Variants in CPA6 observed in about 807,000 individuals in gnomAD.
CPA6 encodes carboxypeptidase B.
A neutral mutation model predicts 63.3 loss-of-function variants in CPA6; 58 were observed. The observed-to-expected ratio is 0.92, with a 90% confidence interval of 0.74 to 1.14. The LOEUF is 1.14. CPA6 is among the 50% of genes most tolerant of loss of function. CPA6 has a pLI of 0.00. For missense variants in CPA6, 565 were observed against 526.6 expected (o/e 1.07, Z -0.71); for synonymous variants, 185 against 179.0 (o/e 1.03, Z -0.27).
At chr8:67,655,862 A>G (rs1188754018) in intron 1 of CPA6, among the ~76,000 whole-genome samples, 3 of 152,210 alleles carry the variant, frequency 2.0e-5, no homozygotes, top group African/African-American at 4.8e-5. Context: ...CAGTATCTGA[A>G]AAAGGATTTT....
At chr8:67,504,673 A>G (rs1811892935) in intron 6 of CPA6, among the ~76,000 whole-genome samples, 1 of 152,170 alleles carries the variant, frequency 6.6e-6, no homozygotes, top group East Asian at 1.9e-4. Flanking sequence ...CCTCATGCCC[A>G]GGGCTCCAGC....
At chr8:67,516,931 G>A (rs936884900) in intron 3 of CPA6, among the ~76,000 whole-genome samples, 1 of 152,036 alleles carries the variant, frequency 6.6e-6, no homozygotes, top group Non-Finnish European at 1.5e-5. Context: ...CGAGTAGCTA[G>A]GATTACAGGC....
chr8:67,561,952 A>G (rs1243135438), intron 2 of CPA6, among the ~76,000 whole-genome samples: 1 of 152,242 alleles, frequency 6.6e-6, no homozygotes, highest in Non-Finnish European at 1.5e-5. Flanking sequence ...CTGAGCAGCT[A>G]GGACACTATT....
intron 2 of CPA6, chr8:67,569,725 C>G (rs1813436338): frequency 5.3e-6 from 1 of 187,592 alleles, no homozygotes; most frequent in African/African-American, 2.4e-5. Flanking sequence ...TAAGAATACT[C>G]TGTCATCACA....
chr8:67,678,226 C>G (rs1409630427), intron 1 of CPA6, among the ~76,000 whole-genome samples: 1 of 140,970 alleles, frequency 7.1e-6, no homozygotes, highest in Non-Finnish European at 1.5e-5. Flanking sequence ...AAAACTCTGT[C>G]TCACACACAC....
intron 1 of CPA6, among the ~76,000 whole-genome samples, chr8:67,659,126 T>G (rs1816052794): frequency 6.6e-6 from 1 of 152,268 alleles, no homozygotes; most frequent in African/African-American, 2.4e-5. Context: ...TGGCCCTGCC[T>G]TCCTCTCCAT....
chr8:67,672,633 G>A (rs114370638), intron 1 of CPA6, among the ~76,000 whole-genome samples: 391 of 152,216 alleles, frequency 2.6e-3, no homozygotes, highest in Middle Eastern at 0.01. Flanking sequence ...GGCCCAATAT[G>A]AACACACAGG....
intron 1 of CPA6, among the ~76,000 whole-genome samples, chr8:67,708,678 G>A (rs1817191337): frequency 6.6e-6 from 1 of 152,078 alleles, no homozygotes; most frequent in Admixed American, 6.5e-5. Context: ...CCAACCCATG[G>A]AGCCACCCTG....
intron 6 of CPA6, among the ~76,000 whole-genome samples, chr8:67,492,738 T>C (rs1811633726): frequency 6.6e-6 from 1 of 152,166 alleles, no homozygotes; most frequent in Middle Eastern, 3.2e-3. Context: ...AAAGCAAGCA[T>C]TGTCTGTCTA....
At chr8:67,511,502 C>T in intron 4 of CPA6, 39 bp downstream of exon 4, 1 of 1,125,934 alleles carries the variant, frequency 8.9e-7, no homozygotes, top group South Asian at 1.2e-5. Context: ...ATAAAGATGA[C>T]TCTGTGAAAA....
chr8:67,564,195 G>A (rs1813282056), intron 2 of CPA6, among the ~76,000 whole-genome samples: 1 of 152,112 alleles, frequency 6.6e-6, no homozygotes, highest in Non-Finnish European at 1.5e-5. Context: ...CCATGAATAG[G>A]AAACAGAAAG....
At chr8:67,590,765 A>T (rs1437432131) in intron 2 of CPA6, among the ~76,000 whole-genome samples, 1 of 150,316 alleles carries the variant, frequency 6.7e-6, no homozygotes, top group African/African-American at 2.4e-5. Context: ...GTTTGAGTTC[A>T]TTGTAGATTC....
At chr8:67,548,396 C>G (rs2128972405) in intron 2 of CPA6, among the ~76,000 whole-genome samples, 1 of 151,752 alleles carries the variant, frequency 6.6e-6, no homozygotes, top group Non-Finnish European at 1.5e-5. Context: ...GGACTACAGA[C>G]ACGTGCCACC....
chr8:67,692,902 T>C (rs1816841170), intron 1 of CPA6, among the ~76,000 whole-genome samples: 1 of 152,218 alleles, frequency 6.6e-6, no homozygotes, highest in Non-Finnish European at 1.5e-5. Context: ...TGTAGACATA[T>C]ATTCACTACG....
At chr8:67,512,132 G>A (rs1364194064) in intron 3 of CPA6, among the ~76,000 whole-genome samples, 4 of 152,204 alleles carry the variant, frequency 2.6e-5, no homozygotes, top group Non-Finnish European at 4.4e-5. Context: ...ACTGGTCAGT[G>A]CCAAGCCAGA....
At chr8:67,443,991 G>C (rs1587430839) in intron 8 of CPA6, among the ~76,000 whole-genome samples, 1 of 142,028 alleles carries the variant, frequency 7.0e-6, no homozygotes. Context: ...GACATCCGTA[G>C]TTTTTTTTTT....
At chr8:67,447,474 T>C (rs1810451769) in intron 8 of CPA6, among the ~76,000 whole-genome samples, 1 of 150,052 alleles carries the variant, frequency 6.7e-6, no homozygotes, top group South Asian at 2.1e-4. Flanking sequence ...CTTATAGGAA[T>C]AGGGCCCTGG....
chr8:67,601,024 A>G (rs1587620252), intron 2 of CPA6, among the ~76,000 whole-genome samples: 1 of 152,180 alleles, frequency 6.6e-6, no homozygotes, highest in East Asian at 1.9e-4. Flanking sequence ...AATCTTGAGC[A>G]TTTCCTGTAA....
intron 1 of CPA6, among the ~76,000 whole-genome samples, chr8:67,726,570 T>C (rs1184744291): frequency 6.6e-6 from 1 of 152,196 alleles, no homozygotes; most frequent in African/African-American, 2.4e-5. Context: ...CATATGAAAG[T>C]GTAATGAATT....
Sources: gnomAD v4.1 joint callset for allele counts (sites outside exome capture counted in the v4.1 genomes callset) on GRCh38, gnomAD v4.1.1 for gene constraint, MANE v1.5 for transcripts, NCBI Gene and HGNC (gene_info 2026-07-23, HGNC 2026-07-21) for gene names.